Variants in GHR observed in about 807,000 individuals in gnomAD.
GHR encodes GH receptor.
In GHR, 35 loss-of-function variants were observed where a neutral mutation model predicts 67.1. The observed-to-expected ratio is 0.52, with a 90% CI of 0.40 to 0.69. GHR has a LOEUF of 0.69. GHR is among the 30% of genes least tolerant of loss of function. The pLI is 0.00. For missense variants in GHR, 792 were observed against 764.6 expected, an observed-to-expected ratio of 1.04 and a Z score of -0.42; for synonymous variants, 272 against 269.1, an observed-to-expected ratio of 1.01 and a Z score of -0.10.
chr5:42,501,077 T>G (rs1746522223), intron 1 of GHR, among the ~76,000 whole-genome samples: 1 of 152,184 alleles, frequency 6.6e-6, no homozygotes, highest in African/African-American at 2.4e-5. Context: ...TGTTTGCACC[T>G]AAGATGCATC....
intron 5 of GHR, among the ~76,000 whole-genome samples, chr5:42,698,689 C>T (rs919627812): frequency 6.6e-6 from 1 of 152,168 alleles, no homozygotes; most frequent in Non-Finnish European, 1.5e-5. Context: ...GAGCTCCTCA[C>T]TGTGTATATC....
chr5:42,565,425 A>C (rs1749868904), intron 1 of GHR: 1 of 981,326 alleles, frequency 1.0e-6, no homozygotes, highest in Non-Finnish European at 1.2e-6. Flanking sequence ...ATGAAATGTT[A>C]CTATTACCAT....
chr5:42,521,588 C>G (rs773878563), intron 1 of GHR, among the ~76,000 whole-genome samples: 1 of 152,206 alleles, frequency 6.6e-6, no homozygotes, highest in Non-Finnish European at 1.5e-5. Context: ...ACATTTTCAT[C>G]TGCTAACGAT....
chr5:42,562,604 A>G (rs1749672141), intron 1 of GHR, among the ~76,000 whole-genome samples: 2 of 138,782 alleles, frequency 1.4e-5, no homozygotes, highest in African/African-American at 2.7e-5. Flanking sequence ...AGCACATTCT[A>G]TGGACATATG....
intron 3 of GHR, among the ~76,000 whole-genome samples, chr5:42,680,433 G>T: frequency 6.6e-6 from 1 of 151,154 alleles, no homozygotes; most frequent in African/African-American, 2.4e-5. Flanking sequence ...TTGATCCAAT[G>T]TGCTTTTCTT....
intron 2 of GHR, among the ~76,000 whole-genome samples, chr5:42,584,236 C>T (rs894121811): frequency 1.3e-5 from 2 of 151,838 alleles, no homozygotes; most frequent in Admixed American, 6.6e-5. Flanking sequence ...TATTAAGGCT[C>T]GAGGTACTAA....
intron 1 of GHR, among the ~76,000 whole-genome samples, chr5:42,463,980 G>A (rs1744605804): frequency 8.9e-6 from 1 of 111,870 alleles, no homozygotes; most frequent in Non-Finnish European, 1.7e-5. Context: ...GCGACAGAGC[G>A]AGACTCCGTC....
intron 1 of GHR, among the ~76,000 whole-genome samples, chr5:42,516,895 G>A (rs1264409326): frequency 2.6e-5 from 4 of 152,188 alleles, no homozygotes; most frequent in Middle Eastern, 3.2e-3. Context: ...GGTAAACTTT[G>A]AAACCTGATT....
chr5:42,478,462 A>C (rs1299970434), intron 1 of GHR, among the ~76,000 whole-genome samples: 1 of 152,064 alleles, frequency 6.6e-6, no homozygotes, highest in Non-Finnish European at 1.5e-5. Context: ...TGAATCTATA[A>C]ATTACCTTGG....
At chr5:42,492,420 A>C (rs1243024233) in intron 1 of GHR, among the ~76,000 whole-genome samples, 1 of 152,144 alleles carries the variant, frequency 6.6e-6, no homozygotes, top group African/African-American at 2.4e-5. Context: ...GTCTGTTTTC[A>C]CTGTCAGTTC....
intron 3 of GHR, among the ~76,000 whole-genome samples, chr5:42,666,082 C>A (rs1338053497): frequency 1.3e-5 from 2 of 152,052 alleles, no homozygotes; most frequent in African/African-American, 2.4e-5. Flanking sequence ...CCATGACATA[C>A]AATTTGCCGA....
chr5:42,467,315 T>C (rs1028444581), intron 1 of GHR: 5 of 1,097,070 alleles, frequency 4.6e-6, no homozygotes, highest in Non-Finnish European at 7.0e-6. Context: ...TTCTCACCAG[T>C]ATGGCTTCGC....
chr5:42,546,367 G>C (rs1287888583), intron 1 of GHR, among the ~76,000 whole-genome samples: 1 of 152,154 alleles, frequency 6.6e-6, no homozygotes. Context: ...AGTCTAGATA[G>C]CCCTCATCCA....
At chr5:42,646,613 G>T (rs1402164912) in intron 3 of GHR, among the ~76,000 whole-genome samples, 7 of 152,138 alleles carry the variant, frequency 4.6e-5, no homozygotes, top group African/African-American at 1.4e-4. Context: ...TTTCTTAAGG[G>T]AATGAATGGT....
Position 42,555,458 on chromosome 5 carries a change from T to C in GHR, c.-11-10406T>C, listed in dbSNP as rs552409781. Reference sequence around the variant, plus strand: ...TGTTCTGATTCACTGCTACCCTGATTGTGTGTTTAGTTTGCCTAGTTCACA... The same window carrying C: ...TGTTCTGATTCACTGCTACCCTGATCGTGTGTTTAGTTTGCCTAGTTCACA... On this transcript the variant is annotated intron_variant, in intron 1 of 9. Transcript: ENST00000230882. Among the ~76,000 whole-genome samples, 385 of 152,258 alleles carry C rather than the reference T, an allele frequency of 2.5e-3. 6 individuals carry two copies. The Middle Eastern group carries it at 0.027, about 11-fold the overall frequency.
intron 3 of GHR, among the ~76,000 whole-genome samples, chr5:42,643,861 A>T (rs776349619): frequency 1.4e-4 from 21 of 152,010 alleles, no homozygotes; most frequent in South Asian, 6.2e-4. Context: ...GTATTTTTTT[A>T]AAAAAAACTT....
chr5:42,701,967 T>C (rs1757952742), intron 6 of GHR, among the ~76,000 whole-genome samples: 1 of 152,166 alleles, frequency 6.6e-6, no homozygotes, highest in Admixed American at 6.5e-5. Flanking sequence ...ATTTATTGTG[T>C]ACAACATATT....
chr5:42,656,350 G>T (rs969793057), intron 3 of GHR, among the ~76,000 whole-genome samples: 5 of 152,098 alleles, frequency 3.3e-5, no homozygotes, highest in African/African-American at 4.8e-5. Flanking sequence ...GGATTGTCTT[G>T]CATGGTCCAT....
intron 6 of GHR, among the ~76,000 whole-genome samples, chr5:42,709,465 T>G (rs1359231968): frequency 6.6e-6 from 1 of 152,158 alleles, no homozygotes; most frequent in Non-Finnish European, 1.5e-5. Flanking sequence ...AAATACATTT[T>G]GCATGACCAT....
Sources: gnomAD v4.1 joint callset for allele counts (sites outside exome capture counted in the v4.1 genomes callset) on GRCh38, gnomAD v4.1.1 for gene constraint, MANE v1.5 for transcripts, NCBI Gene and HGNC (gene_info 2026-07-23, HGNC 2026-07-21) for gene names.